The following VPS45 variants were observed in gnomAD, a reference collection of about 807,000 sequenced individuals.
The protein encoded by VPS45 is vacuolar protein sorting-associated protein 45.
VPS45 carries 35 observed loss-of-function variants against 75.9 expected under a neutral mutation model. The ratio of observed to expected loss-of-function variants is 0.46; its 90% CI spans 0.35 to 0.61. The LOEUF is 0.61. Ranked by LOEUF, VPS45 falls within the 20% of genes least tolerant of loss-of-function variation. The pLI is 0.00. For synonymous variants in VPS45, 220 were observed against 238.2 expected (o/e 0.92, Z 0.70); for missense variants, 559 against 685.9 (o/e 0.81, Z 2.07).
chr1:150,089,930 C>T (rs1357319636), intron 10 of VPS45, among the ~76,000 whole-genome samples: 1 of 151,978 alleles, frequency 6.6e-6, no homozygotes, highest in Non-Finnish European at 1.5e-5. Flanking sequence ...AAATAGTAAC[C>T]CAAAAAATCA....
At chr1:150,100,139 G>T (rs1398432209) in intron 13 of VPS45, among the ~76,000 whole-genome samples, 2 of 152,174 alleles carry the variant, frequency 1.3e-5, no homozygotes, top group African/African-American at 2.4e-5. Flanking sequence ...CAGCAAAGTT[G>T]CAGGATACAA....
At chr1:150,121,034 A>G (rs1658208362) in intron 14 of VPS45, among the ~76,000 whole-genome samples, 1 of 151,660 alleles carries the variant, frequency 6.6e-6, no homozygotes, top group African/African-American at 2.4e-5. Flanking sequence ...CGCCCGGCTA[A>G]TTTTTTGTAT....
At chr1:150,085,150 A>G (rs1296146842) in intron 10 of VPS45, among the ~76,000 whole-genome samples, 1 of 152,126 alleles carries the variant, frequency 6.6e-6, no homozygotes, top group Non-Finnish European at 1.5e-5. Context: ...CCTAATAGAA[A>G]TGTCCTGATA....
intron 14 of VPS45, among the ~76,000 whole-genome samples, chr1:150,122,282 C>T (rs894275473): frequency 2.0e-5 from 3 of 152,088 alleles, no homozygotes; most frequent in Non-Finnish European, 4.4e-5. Context: ...GATTGAGCCA[C>T]TACACTCCAG....
intron 14 of VPS45, among the ~76,000 whole-genome samples, chr1:150,129,605 G>A (rs1203836169): frequency 6.6e-6 from 1 of 151,822 alleles, no homozygotes; most frequent in East Asian, 1.9e-4. Context: ...TGTCACCCAG[G>A]CTGGAGTGCA....
At chr1:150,119,177 A>T (rs1658100496) in intron 14 of VPS45, among the ~76,000 whole-genome samples, 1 of 152,210 alleles carries the variant, frequency 6.6e-6, no homozygotes, top group African/African-American at 2.4e-5. Context: ...CTCAATTTTC[A>T]TGATGAATGT....
intron 14 of VPS45, among the ~76,000 whole-genome samples, chr1:150,125,278 G>A (rs1189027195): frequency 1.6e-5 from 1 of 62,352 alleles, no homozygotes; most frequent in African/African-American, 6.5e-5. Flanking sequence ...TCTTTGTATT[G>A]GGAACATTCA....
rs147868390 is a variant in VPS45, at chr1:150,069,520, A to C, written c.228+756A>C. ...CGCCCAGGCTGGAGTGCAGTGGCGC[A>C]ATCTCGGCTCACTGCAAGCTCCGCC... is the stretch of plus-strand genomic sequence containing the variant. On this transcript the variant is annotated intron_variant, in intron 2 of 14. Transcript: ENST00000644510. 9.0e-3 allele frequency among the ~76,000 whole-genome samples: 1,223 copies of C among 136,016 alleles called. 18 individuals are homozygous for C. Among genetic ancestry groups the C allele is most frequent in the African/African-American group, 0.033 (1,182 of 35,840 alleles). 89.2% of individuals were successfully genotyped at this position (136,016 alleles called of 152,430 possible). A position where few individuals can be genotyped will look rare whatever the true frequency, so the allele number is the denominator to read the frequency against.
Position 150,072,098 on chromosome 1 carries a change from G to T in VPS45, c.229-68G>T, listed in dbSNP as rs1257433444. 7 of 1,366,200 alleles carry T rather than the reference G, an allele frequency of 5.1e-6. No individual in the cohort carries two copies. The African/African-American group carries it at 7.3e-5, about 14-fold the overall frequency. 84.6% of individuals were successfully genotyped at this position (1,366,200 alleles called of 1,614,324 possible). A position where few individuals can be genotyped will look rare whatever the true frequency, so the allele number is the denominator to read the frequency against. On this transcript the variant is annotated intron_variant, in intron 2 of 14. Transcript: ENST00000644510. ...GCAGTAAATAAACAAATCAATGGGT[G>T]AATGCTTATTACTTTTTTCCTTAAG...
intron 3 of VPS45, among the ~76,000 whole-genome samples, chr1:150,075,441 C>T (rs1019316159): frequency 1.8e-4 from 27 of 152,100 alleles, no homozygotes; most frequent in African/African-American, 6.0e-4. Context: ...GATTTGATTT[C>T]TTCTTGGCAA....
intron 3 of VPS45, among the ~76,000 whole-genome samples, chr1:150,073,137 C>T (rs374327732): frequency 1.3e-5 from 2 of 152,114 alleles, no homozygotes; most frequent in East Asian, 3.8e-4. Context: ...ATACATTCGG[C>T]TGTAGAAGTT....
At chr1:150,072,633 G>A (rs1279046819) in intron 3 of VPS45, among the ~76,000 whole-genome samples, 5 of 131,400 alleles carry the variant, frequency 3.8e-5, no homozygotes, top group African/African-American at 1.5e-4. Flanking sequence ...CTCCAGCCTG[G>A]GCAACAAAGC....
At position 150,092,815 on chromosome 1, in the gene VPS45, T is replaced by G. The variant is rs1286737184; in HGVS notation, c.1371+406T>G. Among the ~76,000 whole-genome samples, 10 of 150,844 alleles carry G rather than the reference T, an allele frequency of 6.6e-5. No homozygotes were observed. The East Asian group carries it at 1.6e-3, about 24-fold the overall frequency. On this transcript the variant is annotated intron_variant, in intron 12 of 14. Coordinates refer to ENST00000644510, the MANE Select transcript of VPS45 (RefSeq NM_007259.5). ...CTGTTTTCTTAAAATACTCAAAAAT[T>G]AATTCTAATCTGCTAGCCTTTCTTT...
intron 10 of VPS45, among the ~76,000 whole-genome samples, chr1:150,089,811 G>A (rs1022756795): frequency 6.6e-6 from 1 of 152,034 alleles, no homozygotes; most frequent in Non-Finnish European, 1.5e-5. Context: ...CTGCTCTAGG[G>A]GAAAGATCCC....
At chr1:150,080,496 C>T (rs1553799093) in intron 7 of VPS45, among the ~76,000 whole-genome samples, 1 of 152,080 alleles carries the variant, frequency 6.6e-6, no homozygotes, top group East Asian at 1.9e-4. Context: ...TTCAAGAATT[C>T]CTTTGGCAAA....
chr1:150,144,483 T>TAAA lies in VPS45; in HGVS notation c.1626-218_1626-216dup, dbSNP rs797023947. Among the ~76,000 whole-genome samples, 6 of 149,560 alleles carry TAAA rather than the reference T, an allele frequency of 4.0e-5. 1 individual carries two copies. In the South Asian group the frequency reaches 1.3e-3, roughly 31 times the overall value. ...TTAATAGATCTTACAAATTTAATTC[T>TAAA]AAAAAAAAAATGAAGACCCTGGGGA... On this transcript the variant is annotated intron_variant, in intron 14 of 14. Transcript: ENST00000644510.
At chr1:150,096,530 G>A (rs1309813561) in intron 13 of VPS45, among the ~76,000 whole-genome samples, 1 of 152,176 alleles carries the variant, frequency 6.6e-6, no homozygotes, top group Non-Finnish European at 1.5e-5. Context: ...AGGAGACCAG[G>A]ATGTTAGATG....
At chr1:150,139,098 C>G (rs143279408) in intron 14 of VPS45, among the ~76,000 whole-genome samples, 601 of 152,272 alleles carry the variant, frequency 3.9e-3, no homozygotes, top group Middle Eastern at 6.8e-3. Context: ...CCCAACACCC[C>G]CTTCTCAATA....
intron 2 of VPS45, among the ~76,000 whole-genome samples, chr1:150,069,516 G>A (rs1654915995): frequency 7.2e-6 from 1 of 139,472 alleles, no homozygotes; most frequent in Non-Finnish European, 1.5e-5. Context: ...GAGTGCAGTG[G>A]CGCAATCTCG....
Sources: allele counts gnomAD v4.1 joint callset (sites outside exome capture counted in the v4.1 genomes callset), GRCh38; gene constraint gnomAD v4.1.1; transcripts MANE v1.5; gene names NCBI Gene and HGNC (gene_info 2026-07-23, HGNC 2026-07-21).